SLC15A2: variants seen among roughly 807,000 people sequenced by gnomAD.
SLC15A2 encodes the protein kidney H(+)/peptide cotransporter.
Under a neutral mutation model 95.5 loss-of-function variants are expected in SLC15A2, and 77 were observed. That is an observed-to-expected ratio of 0.81 (90% confidence interval 0.67 to 0.97). SLC15A2 has a LOEUF of 0.97. Ranked by LOEUF, SLC15A2 falls within the 50% of genes least tolerant of loss-of-function variation. The pLI is 0.00. For synonymous variants in SLC15A2, 306 were observed against 306.9 expected (o/e 1.00, Z 0.03); for missense variants, 893 against 874.4 (o/e 1.02, Z -0.27).
intron 18 of SLC15A2, 49 bp from the exon 19 acceptor site, chr3:121,931,590 C>A: frequency 1.6e-6 from 2 of 1,261,560 alleles, no homozygotes; most frequent in Non-Finnish European, 2.3e-6. Flanking sequence ...GATGGGAATG[C>A]TTTTCCAAGC....
chr3:121,938,246 G>T (rs1474189010), intron 19 of SLC15A2, among the ~76,000 whole-genome samples: 2 of 152,228 alleles, frequency 1.3e-5, no homozygotes, highest in African/African-American at 4.8e-5. Context: ...CCCAGAGGTG[G>T]AGCCTACAGA....
At chr3:121,898,028 G>T (rs1709452254) in intron 3 of SLC15A2, among the ~76,000 whole-genome samples, 2 of 152,096 alleles carry the variant, frequency 1.3e-5, no homozygotes, top group Admixed American at 6.6e-5. Flanking sequence ...CAGGCATGGT[G>T]GCGGGCACCT....
intron 7 of SLC15A2, among the ~76,000 whole-genome samples, chr3:121,921,607 C>A (rs1710007044): frequency 6.6e-6 from 1 of 152,076 alleles, no homozygotes; most frequent in African/African-American, 2.4e-5. Context: ...ATTAGGATAA[C>A]AATGAATTTG....
intron 3 of SLC15A2, among the ~76,000 whole-genome samples, chr3:121,902,966 C>T (rs185583545): frequency 3.3e-5 from 5 of 152,354 alleles, no homozygotes; most frequent in Admixed American, 3.3e-4. Flanking sequence ...TACAGTCCCA[C>T]CAACCAGTGT....
At chr3:121,902,095 G>A (rs569228310) in intron 3 of SLC15A2, among the ~76,000 whole-genome samples, 1 of 152,274 alleles carries the variant, frequency 6.6e-6, no homozygotes, top group Non-Finnish European at 1.5e-5. Context: ...AAAGAAGTGA[G>A]GCTTCCTTCA....
chr3:121,915,057 G>A (rs2049330), intron 5 of SLC15A2, 170 bp from the exon 6 acceptor site: 570,671 of 1,250,124 alleles, frequency 0.46, 134,085 homozygotes, highest in East Asian at 0.72. Context: ...AAATGATTGG[G>A]GTCAGCCAGC....
intron 3 of SLC15A2, among the ~76,000 whole-genome samples, chr3:121,908,496 C>A (rs189218928): frequency 1.1e-4 from 17 of 152,322 alleles, no homozygotes; most frequent in African/African-American, 4.1e-4. Flanking sequence ...CGGAGTGGTT[C>A]GTATTCAGCC....
chr3:121,910,532 A>T (rs1709744774), intron 3 of SLC15A2, among the ~76,000 whole-genome samples: 1 of 152,124 alleles, frequency 6.6e-6, no homozygotes. Flanking sequence ...ATACACTTTA[A>T]GTTCCCTTCC....
chr3:121,911,682 G>A lies in SLC15A2; in HGVS notation c.428+16G>A. 1.4e-6 allele frequency: 2 copies of A among 1,480,124 alleles called. No individual in the cohort carries two copies. The highest frequency in any genetic ancestry group is 1.9e-6 in the Non-Finnish European group (2 of 1,058,504). 91.7% of individuals were successfully genotyped at this position (1,480,124 alleles called of 1,614,324 possible). A position where few individuals can be genotyped will look rare whatever the true frequency, so the allele number is the denominator to read the frequency against. Reference sequence around the variant, plus strand: ...TGGTACACACGTGAGTAAAATCATGGAATCAACTAAACTACTTTTCTCAGA... The same window carrying A: ...TGGTACACACGTGAGTAAAATCATGAAATCAACTAAACTACTTTTCTCAGA... On this transcript the variant is annotated intron_variant, in intron 4 of 21. Coordinates refer to ENST00000489711, the MANE Select transcript of SLC15A2 (RefSeq NM_021082.4).
In SLC15A2 at chr3:121,915,707, A is replaced by C; in HGVS notation, c.697+14A>C. 1 of 1,593,102 alleles carries C rather than the reference A, an allele frequency of 6.3e-7. No individual in the cohort carries two copies. Among genetic ancestry groups the C allele is most frequent in the Non-Finnish European group, 8.6e-7 (1 of 1,161,030 alleles). On this transcript the variant is annotated intron_variant, in intron 7 of 21. Transcript: ENST00000489711. ...TAATTGCACTTGGTAAGTGCAGTGAAGCAAAGGAAACTAATAATCATTGAT... is the reference window on the plus strand; with the variant it reads ...TAATTGCACTTGGTAAGTGCAGTGACGCAAAGGAAACTAATAATCATTGAT...
At chr3:121,906,827 A>G (rs1202621990) in intron 3 of SLC15A2, among the ~76,000 whole-genome samples, 3 of 151,974 alleles carry the variant, frequency 2.0e-5, no homozygotes, top group Admixed American at 6.6e-5. Flanking sequence ...GAATCTGACA[A>G]TTATGTGTCT....
intron 5 of SLC15A2, 51 bp downstream of exon 5, chr3:121,913,171 G>A: frequency 7.2e-7 from 1 of 1,383,074 alleles, no homozygotes. Flanking sequence ...CAGCATTAAT[G>A]GGGGTATCTG....
At position 121,942,227 on chromosome 3, in the gene SLC15A2, T is replaced by C. The variant is rs1303616488; in HGVS notation, c.*1220T>C. On this transcript the variant is annotated 3_prime_UTR_variant, in exon 22 of 22. Transcript: ENST00000489711. The stretch of plus-strand genomic sequence containing the variant: ...TAGGGATGGTAGAGCATGAGGGTTT[T>C]GTTTGTGTATGTGTATGGTCATGAA... The C allele has an allele frequency of 1.3e-5, 2 of 152,184 alleles. No individual in the cohort carries two copies. The highest frequency in any genetic ancestry group is 1.3e-4 in the Admixed American group (2 of 15,276). 9.4% of individuals were successfully genotyped at this position (152,184 alleles called of 1,614,324 possible). A position where few individuals can be genotyped will look rare whatever the true frequency, so the allele number is the denominator to read the frequency against.
chr3:121,896,524 C>A (rs1321290605), intron 2 of SLC15A2, 31 bp downstream of exon 2: 2 of 1,509,394 alleles, frequency 1.3e-6, no homozygotes, highest in Admixed American at 1.7e-5. Context: ...CCTACCTACT[C>A]TCCTCCACCC....
intron 11 of SLC15A2, among the ~76,000 whole-genome samples, chr3:121,923,632 C>T (rs1022327906): frequency 3.3e-5 from 5 of 152,150 alleles, no homozygotes; most frequent in Non-Finnish European, 7.3e-5. Context: ...ATCTCTTCAA[C>T]AAGGATCACA....
In SLC15A2 at chr3:121,931,764, C is replaced by A. The variant is rs34921833; in HGVS notation, c.1761+29C>A. ...AGTAGCTCACAGCCACCTCTTTACC[C>A]TCTCTCCATATACATATATCTCCTG... On this transcript the variant is annotated intron_variant, in intron 19 of 21. Coordinates refer to ENST00000489711, the MANE Select transcript of SLC15A2 (RefSeq NM_021082.4). 20 of 1,316,106 alleles carry A rather than the reference C, an allele frequency of 1.5e-5. No homozygotes were observed. In the East Asian group the frequency reaches 3.7e-4, roughly 24 times the overall value. 81.5% of individuals were successfully genotyped at this position (1,316,106 alleles called of 1,614,324 possible).
In SLC15A2 at chr3:121,896,471, C is replaced by G; in HGVS notation, c.171C>G (p.Arg57=). 6.2e-7 allele frequency: 1 copy of G among 1,614,058 alleles called. No individual in the cohort carries two copies. Among genetic ancestry groups the G allele is most frequent in the South Asian group, 1.1e-5 (1 of 91,084 alleles). Residue 57 remains arginine (R), a synonymous_variant, in exon 2 of 22, where the codon CGC becomes CGG. Transcript: ENST00000489711. ...TTGTGGTGAATGAATTCTGCGAGCGCTTTTCCTATTATGGAATGAAAGGTA... is the reference window on the plus strand; with the variant it reads ...TTGTGGTGAATGAATTCTGCGAGCGGTTTTCCTATTATGGAATGAAAGGTA... ...AFIVVNEFCE[R]FSYYGMKAVL...
chr3:121,929,164 C>G lies in SLC15A2; in HGVS notation c.1506+18C>G. On this transcript the variant is annotated intron_variant, in intron 16 of 21. Coordinates refer to ENST00000489711, the MANE Select transcript of SLC15A2 (RefSeq NM_021082.4). ...GCATGATGGTAATTTGAGGAATTGCCTGTGTTTTCAGTTGTCATCTCAAAG... is the reference window on the plus strand; with the variant it reads ...GCATGATGGTAATTTGAGGAATTGCGTGTGTTTTCAGTTGTCATCTCAAAG... 2 of 1,607,416 alleles carry G rather than the reference C, an allele frequency of 1.2e-6. No homozygotes were observed. Among genetic ancestry groups the G allele is most frequent in the African/African-American group, 1.3e-5 (1 of 74,830 alleles).
At chr3:121,939,228 C>T (rs1710412792) in intron 19 of SLC15A2, 121 bp from the exon 20 acceptor site, 3 of 830,032 alleles carry the variant, frequency 3.6e-6, no homozygotes, top group African/African-American at 3.5e-5. Flanking sequence ...TGCTCAATTT[C>T]CTGAAAATGG....
Sources: gnomAD v4.1 joint callset for allele counts (sites outside exome capture counted in the v4.1 genomes callset) on GRCh38, gnomAD v4.1.1 for gene constraint, MANE v1.5 for transcripts, NCBI Gene and HGNC (gene_info 2026-07-23, HGNC 2026-07-21) for gene names.